Variants in PPFIA1 observed in about 807,000 individuals in gnomAD.
PPFIA1 encodes the protein liprin-alpha-1.
A neutral mutation model predicts 149.9 loss-of-function variants in PPFIA1; 25 were observed. The observed-to-expected ratio is 0.17, with a 90% CI of 0.12 to 0.23. PPFIA1 has a LOEUF of 0.23. Among genes scored for constraint, PPFIA1 ranks in the 10% least tolerant of loss-of-function variants. PPFIA1 has a pLI of 1.00. For missense variants in PPFIA1, 1,362 were observed against 1,506.5 expected (o/e 0.90, Z 1.59); for synonymous variants, 549 against 552.8 (o/e 0.99, Z 0.10).
At position 70,305,169 on chromosome 11, in the gene PPFIA1, C is replaced by T. The variant is rs1179491281; in HGVS notation, c.265-19233C>T. Among the ~76,000 whole-genome samples, 3 of 152,090 alleles carry T rather than the reference C, an allele frequency of 2.0e-5. No homozygotes were observed. The East Asian group carries it at 5.8e-4, about 29-fold the overall frequency. ...TGGCAGTGCCACCAAATGGTCGTGT[C>T]AATTGATGCCCAAATGGCTCACCAA... is the stretch of plus-strand genomic sequence containing the variant. On this transcript the variant is annotated intron_variant, in intron 2 of 27. Transcript: ENST00000253925.
intron 2 of PPFIA1, among the ~76,000 whole-genome samples, chr11:70,279,722 GGTGTGTGTGTGTGTGTGTGT>G (rs71046599): frequency 1.5e-5 from 2 of 135,394 alleles, no homozygotes; most frequent in South Asian, 2.4e-4. Context: ...TATGTGTCTA[GGTGTGTGTGTGTGTGTGTGT>G]GTGTGTGTGT....
intron 23 of PPFIA1, 120 bp downstream of exon 23, chr11:70,372,694 C>G (rs2057324331): frequency 4.0e-6 from 3 of 740,858 alleles, no homozygotes; most frequent in Non-Finnish European, 6.6e-6. Context: ...AGAAAACTAA[C>G]TAGTCTAGTG....
Position 70,312,493 on chromosome 11 carries a change from C to T in PPFIA1, c.265-11909C>T, listed in dbSNP as rs149020195. On this transcript the variant is annotated intron_variant, in intron 2 of 27. Coordinates refer to ENST00000253925, the MANE Select transcript of PPFIA1 (RefSeq NM_003626.5). ...GGCAGGAGCCGCTATGCCTAGCTAGCGAATTAGCATTTAAAAAATATATAC... is the reference window on the plus strand; with the variant it reads ...GGCAGGAGCCGCTATGCCTAGCTAGTGAATTAGCATTTAAAAAATATATAC... Among the ~76,000 whole-genome samples, 432 of 152,210 alleles carry T rather than the reference C, an allele frequency of 2.8e-3. 3 individuals carry two copies. The highest frequency in any genetic ancestry group is 9.8e-3 in the African/African-American group (407 of 41,544).
rs2137003656 is a variant in PPFIA1, at chr11:70,335,633, C to T, written c.1367C>T (p.Ser456Leu). The change falls in exon 11 of 28, where the codon TCA (serine) becomes TTA (leucine). Residue 456 changes from serine (S) to leucine (L), a missense_variant. By Grantham distance (145) the Ser-to-Leu change is moderately radical. Transcript: ENST00000253925. The stretch of plus-strand genomic sequence containing the variant: ...TCAGACACTGTTGACAAGCTGCTTT[C>T]AGAATCTAATGAGAGGCTTCAACTT... ...RLSDTVDKLL[S>L]ESNERLQLHL... 1 of 1,614,016 alleles carries T rather than the reference C, an allele frequency of 6.2e-7. No homozygotes were observed. Among genetic ancestry groups the T allele is most frequent in the Non-Finnish European group, 8.5e-7 (1 of 1,179,918 alleles).
chr11:70,299,976 A>G (rs958803461), intron 2 of PPFIA1, among the ~76,000 whole-genome samples: 3 of 151,952 alleles, frequency 2.0e-5, no homozygotes, highest in African/African-American at 7.3e-5. Flanking sequence ...TAGCCCGGCT[A>G]CCGACTCCGT....
chr11:70,338,551 A>C, intron 13 of PPFIA1, 98 bp downstream of exon 13: 2 of 934,726 alleles, frequency 2.1e-6, no homozygotes, highest in Non-Finnish European at 3.4e-6. Context: ...TAATGGTGTG[A>C]CCTCAAGGAG....
Position 70,372,375 on chromosome 11 carries a change from T to G in PPFIA1, c.3026T>G (p.Val1009Gly). The G allele has an allele frequency of 1.2e-6, 2 of 1,614,166 alleles. No individual in the cohort carries two copies. Among genetic ancestry groups the G allele is most frequent in the South Asian group, 1.1e-5 (1 of 91,082 alleles). ...KKDLRGQLKM[V>G]DSFHRNSFQC... ...GACCTTCGAGGGCAGCTGAAAATGG[T>G]CGACAGTTTTCACAGGTAACTTAAT... Residue 1009 changes from valine (V) to glycine (G), a missense_variant, in exon 22 of 28, where the codon GTC becomes GGC. Physicochemically the swap from Val to Gly is moderately radical, Grantham distance 109 (BLOSUM62 -3). Coordinates refer to ENST00000253925, the MANE Select transcript of PPFIA1 (RefSeq NM_003626.5).
chr11:70,365,424 A>G, intron 21 of PPFIA1: 1 of 456,574 alleles, frequency 2.2e-6, no homozygotes, highest in East Asian at 7.0e-5. Context: ...GCTCGCAGCC[A>G]CGCCGCAAAC....
At chr11:70,348,157 CAGG>C in intron 15 of PPFIA1, 29 bp from the exon 16 acceptor site, 7 of 1,599,322 alleles carry the variant, frequency 4.4e-6, no homozygotes, top group Non-Finnish European at 6.0e-6. Context: ...TTTGCCGAAA[CAGG>C]AGGACTGACT....
intron 16 of PPFIA1, among the ~76,000 whole-genome samples, chr11:70,349,135 C>CAAAA (rs749436919): frequency 1.2e-4 from 9 of 74,586 alleles, no homozygotes; most frequent in East Asian, 4.0e-4. Flanking sequence ...CATCTACTAC[C>CAAAA]AAAAAAAAAA....
chr11:70,279,570 A>T (rs1346350631), intron 2 of PPFIA1, among the ~76,000 whole-genome samples: 1 of 140,296 alleles, frequency 7.1e-6, no homozygotes, highest in Admixed American at 7.1e-5. Flanking sequence ...TTTTGTGTAC[A>T]TTAGGCATTT....
chr11:70,311,620 C>T (rs1332377552), intron 2 of PPFIA1, among the ~76,000 whole-genome samples: 1 of 152,066 alleles, frequency 6.6e-6, no homozygotes, highest in Non-Finnish European at 1.5e-5. Flanking sequence ...GAGCTGCTCT[C>T]CTGGGTTAGA....
At position 70,330,128 on chromosome 11, in the gene PPFIA1, C is replaced by T. The variant is rs762053213; in HGVS notation, c.931-45C>T. On this transcript the variant is annotated intron_variant, in intron 7 of 27. Transcript: ENST00000253925. Reference sequence around the variant, plus strand: ...TCTCTTAAGTATCTTAATGTGTAATCGTTAATTACCTACTTTTTTGTCCCC... The same window carrying T: ...TCTCTTAAGTATCTTAATGTGTAATTGTTAATTACCTACTTTTTTGTCCCC... 5.3e-6 allele frequency: 8 copies of T among 1,495,390 alleles called. No homozygotes were observed. The African/African-American group carries it at 5.7e-5, about 11-fold the overall frequency. The allele number at this position is 1,495,390 out of a possible 1,614,324, so 92.6% of individuals were successfully genotyped here. A position where few individuals can be genotyped will look rare whatever the true frequency, so the allele number is the denominator to read the frequency against.
chr11:70,314,084 G>A (rs1312031533), intron 2 of PPFIA1, among the ~76,000 whole-genome samples: 1 of 152,216 alleles, frequency 6.6e-6, no homozygotes, highest in Admixed American at 6.5e-5. Context: ...CACGGACACC[G>A]GCCGGATCAG....
At chr11:70,338,098 ATT>A (rs747894072) in intron 12 of PPFIA1, among the ~76,000 whole-genome samples, 49 of 152,208 alleles carry the variant, frequency 3.2e-4, no homozygotes, top group Non-Finnish European at 5.9e-4. Context: ...GAAACTAATA[ATT>A]GTTAATCATT....
Position 70,348,434 on chromosome 11 carries a change from C to T in PPFIA1, c.2163+14C>T. 6.4e-7 allele frequency: 1 copy of T among 1,569,244 alleles called. No individual in the cohort carries two copies. ...GTCATGACCCTTGTACGTATCCGCC[C>T]TTTCCCTGCTGTGGCTGCCCTCAGC... On this transcript the variant is annotated intron_variant, in intron 16 of 27. Transcript: ENST00000253925.
chr11:70,278,208 C>CA (rs541572686), intron 2 of PPFIA1, among the ~76,000 whole-genome samples: 70 of 146,436 alleles, frequency 4.8e-4, no homozygotes, highest in African/African-American at 1.7e-3. Flanking sequence ...CATGCCTGGC[C>CA]TTTTTTTTTT....
At chr11:70,374,815 G>C (rs2057416143) in intron 23 of PPFIA1, 103 bp from the exon 24 acceptor site, 1 of 1,093,766 alleles carries the variant, frequency 9.1e-7, no homozygotes, top group Non-Finnish European at 1.3e-6. Context: ...AGGAGCCGAA[G>C]GATTAGGAAC....
chr11:70,344,564 C>G (rs1189552480), intron 15 of PPFIA1, among the ~76,000 whole-genome samples: 1 of 152,236 alleles, frequency 6.6e-6, no homozygotes, highest in Non-Finnish European at 1.5e-5. Context: ...CAGCCTCCTG[C>G]ACAGAAGAGG....
Sources: allele counts gnomAD v4.1 joint callset (sites outside exome capture counted in the v4.1 genomes callset), GRCh38; gene constraint gnomAD v4.1.1; transcripts MANE v1.5; gene names NCBI Gene and HGNC (gene_info 2026-07-23, HGNC 2026-07-21).